The following ZNF292 variants were observed in gnomAD, a reference collection of about 807,000 sequenced individuals.
ZNF292 encodes the protein 16 zinc-finger domain protein.
A neutral mutation model predicts 217.9 loss-of-function variants in ZNF292; 26 were observed. The ratio of observed to expected loss-of-function variants is 0.12; its 90% CI spans 0.09 to 0.17. ZNF292 has a LOEUF of 0.17. Ranked by LOEUF, ZNF292 falls within the 10% of genes least tolerant of loss-of-function variation. ZNF292 has a pLI of 1.00. For synonymous variants in ZNF292, 1,257 were observed against 1,124.1 expected (o/e 1.12, Z -2.37); for missense variants, 2,904 against 3,175.2 (o/e 0.91, Z 2.05).
At chr6:87,168,472 C>T (rs190544008) in intron 1 of ZNF292, among the ~76,000 whole-genome samples, 89 of 152,152 alleles carry the variant, frequency 5.8e-4, no homozygotes, top group African/African-American at 2.0e-3. Context: ...TATATATTAG[C>T]TTCGTAATAG....
At chr6:87,239,308 G>GC (rs993613718) in intron 5 of ZNF292, among the ~76,000 whole-genome samples, 124 of 150,650 alleles carry the variant, frequency 8.2e-4, no homozygotes, top group Admixed American at 2.2e-3. Context: ...GGGCAGAGGC[G>GC]CCCCCCCACC....
chr6:87,155,651 G>A lies in ZNF292; in HGVS notation c.60G>A (p.Ala20=). 2 of 1,583,108 alleles carry A rather than the reference G, an allele frequency of 1.3e-6. No homozygotes were observed. The highest frequency in any genetic ancestry group is 2.7e-5 in the African/African-American group (2 of 74,554). The change falls in exon 1 of 8, where the codon GCG becomes GCA. Residue 20 remains alanine (A), a synonymous_variant. Transcript: ENST00000369577. ...RLSCGEGGCV[A]ELQRLGERLQ... ...GTTGCGGCGAAGGCGGCTGCGTCGC[G>A]GAGCTGCAGCGCCTGGGCGAGCGGC...
chr6:87,233,175 CAA>C, intron 4 of ZNF292, 148 bp from the exon 5 acceptor site: 1 of 605,016 alleles, frequency 1.7e-6, no homozygotes. Flanking sequence ...CTTATAAGGT[CAA>C]GTCTTTTGTG....
At chr6:87,196,523 T>A (rs1771957056) in intron 1 of ZNF292, among the ~76,000 whole-genome samples, 1 of 152,262 alleles carries the variant, frequency 6.6e-6, no homozygotes, top group Non-Finnish European at 1.5e-5. Context: ...CCAGTTGCTG[T>A]CAAATTTTGG....
At chr6:87,245,954 T>C (rs1242046978) in intron 7 of ZNF292, among the ~76,000 whole-genome samples, 4 of 152,228 alleles carry the variant, frequency 2.6e-5, no homozygotes, top group Non-Finnish European at 4.4e-5. Flanking sequence ...AAAAGTAGGC[T>C]GGGCGTGGTG....
At chr6:87,174,713 T>C (rs1393061777) in intron 1 of ZNF292, among the ~76,000 whole-genome samples, 4 of 152,204 alleles carry the variant, frequency 2.6e-5, no homozygotes, top group Non-Finnish European at 5.9e-5. Context: ...TCTTACGTAC[T>C]AAGGCCCATT....
At chr6:87,247,910 G>C (rs1774686488) in intron 7 of ZNF292, among the ~76,000 whole-genome samples, 1 of 152,170 alleles carries the variant, frequency 6.6e-6, no homozygotes, top group Non-Finnish European at 1.5e-5. Flanking sequence ...TTATCGAAAT[G>C]AAAATTTTAG....
chr6:87,258,936 A>G lies in ZNF292; in HGVS notation c.5307A>G (p.Gln1769=). The change falls in exon 8 of 8, where the codon CAA becomes CAG. Residue 1769 remains glutamine (Q), a synonymous_variant. Transcript: ENST00000369577. ...LEIIKTAMNS[Q]ILEVKSGSQG... is the part of the protein sequence containing the mutation. ...TTATTAAAACTGCTATGAATTCTCA[A>G]ATACTTGAGGTAAAAAGTGGATCTC... 18 of 1,611,836 alleles carry G rather than the reference A, an allele frequency of 1.1e-5. No homozygotes were observed. The highest frequency in any genetic ancestry group is 1.5e-5 in the Non-Finnish European group (18 of 1,178,796).
chr6:87,260,560 T>C lies in ZNF292; in HGVS notation c.6931T>C (p.Ser2311Pro), dbSNP rs1318456023. The C allele has an allele frequency of 1.2e-6, 2 of 1,612,008 alleles. No individual in the cohort carries two copies. Among genetic ancestry groups the C allele is most frequent in the Non-Finnish European group, 1.7e-6 (2 of 1,179,418 alleles). ...NMSSKANQEKSKSKHRGTKHS... is the reference protein window; with the variant it reads ...NMSSKANQEKPKSKHRGTKHS... ...GTCAAGCAAGGCAAACCAAGAAAAA[T>C]CAAAGTCTAAACATCGGGGGACCAA... Residue 2311 changes from serine (S) to proline (P), a missense_variant, in exon 8 of 8, where the codon TCA (serine) becomes CCA (proline). Ser to Pro is a moderately conservative substitution (Grantham distance 74, BLOSUM62 -1). This residue lies in a region of ZNF292 where 101 missense variants were observed against 89.5 expected (regional missense o/e 1.13). Coordinates refer to ENST00000369577, the MANE Select transcript of ZNF292 (RefSeq NM_015021.3).
rs1775233776 is a variant in ZNF292, at chr6:87,256,645, G to A, written c.3016G>A (p.Val1006Ile). ...TGCCCATGTTACTCAGAATTCTTTAGTAAATTCAGAAACTCTCAAAATAGG... is the reference window on the plus strand; with the variant it reads ...TGCCCATGTTACTCAGAATTCTTTAATAAATTCAGAAACTCTCAAAATAGG... ...NDAHVTQNSL[V>I]NSETLKIGDL... The change falls in exon 8 of 8, where the codon GTA becomes ATA. Residue 1006 changes from valine (V) to isoleucine (I), a missense_variant. By Grantham distance (29) the Val-to-Ile change is conservative (BLOSUM62 3). This residue lies in a region of ZNF292 where 687 missense variants were observed against 623.0 expected (regional missense o/e 1.10). Coordinates refer to ENST00000369577, the MANE Select transcript of ZNF292 (RefSeq NM_015021.3). 6.2e-7 allele frequency: 1 copy of A among 1,613,514 alleles called. No homozygotes were observed. Among genetic ancestry groups the A allele is most frequent in the Non-Finnish European group, 8.5e-7 (1 of 1,179,806 alleles).
In ZNF292 at chr6:87,257,758, T is replaced by A; in HGVS notation, c.4129T>A (p.Cys1377Ser). The A allele has an allele frequency of 6.2e-7, 1 of 1,613,788 alleles. No individual in the cohort carries two copies. The highest frequency in any genetic ancestry group is 8.5e-7 in the Non-Finnish European group (1 of 1,179,798). ...AATTATCAGAGATGGGAAATTTATC[T>A]GTAGCAGGTGTTACAGGGCTTTTAC... ...PAIIRDGKFI[C>S]SRCYRAFTNP... Residue 1377 changes from cysteine (C) to serine (S), a missense_variant, in exon 8 of 8, where the codon TGT becomes AGT. Cys to Ser is a moderately radical substitution (Grantham distance 112). Transcript: ENST00000369577.
chr6:87,201,963 T>A (rs1772110016), intron 1 of ZNF292, among the ~76,000 whole-genome samples: 1 of 152,238 alleles, frequency 6.6e-6, no homozygotes, highest in South Asian at 2.1e-4. Context: ...TCACACTGTC[T>A]TAATTTCTAT....
rs768519682 is a variant in ZNF292, at chr6:87,256,218, G to C, written c.2589G>C (p.Glu863Asp). 1.1e-5 allele frequency: 18 copies of C among 1,613,684 alleles called. No homozygotes were observed. The South Asian group carries it at 2.0e-4, about 18-fold the overall frequency. The change falls in exon 8 of 8, where the codon GAG (glutamate) becomes GAC (aspartate). Residue 863 changes from glutamate to aspartate, a missense_variant. Physicochemically the swap from Glu to Asp is conservative, Grantham distance 45 (BLOSUM62 2). This residue lies in a region of ZNF292 where 687 missense variants were observed against 623.0 expected (regional missense o/e 1.10). Transcript: ENST00000369577. Reference protein sequence around the residue: ...QPSEVNQNTAENIEKERSMLP... With the variant: ...QPSEVNQNTADNIEKERSMLP... ...CTGAAGTGAATCAGAACACAGCAGA[G>C]AATATTGAGAAAGAAAGATCTATGC...
At chr6:87,162,640 A>T (rs1011964676) in intron 1 of ZNF292, among the ~76,000 whole-genome samples, 3 of 152,228 alleles carry the variant, frequency 2.0e-5, no homozygotes, top group African/African-American at 7.2e-5. Context: ...GAGTATGCTT[A>T]TATCAATTTC....
chr6:87,197,924 G>C (rs1433484036), intron 1 of ZNF292, among the ~76,000 whole-genome samples: 1 of 151,958 alleles, frequency 6.6e-6, no homozygotes, highest in Non-Finnish European at 1.5e-5. Context: ...GAATATTTAT[G>C]TATCTTAAGA....
At chr6:87,171,721 A>T (rs935750739) in intron 1 of ZNF292, among the ~76,000 whole-genome samples, 1 of 152,190 alleles carries the variant, frequency 6.6e-6, no homozygotes, top group Non-Finnish European at 1.5e-5. Context: ...CTGATGGCAT[A>T]TGTCAGCTTG....
chr6:87,206,581 TC>T (rs1371283667), intron 1 of ZNF292, among the ~76,000 whole-genome samples: 1 of 152,178 alleles, frequency 6.6e-6, no homozygotes, highest in Non-Finnish European at 1.5e-5. Context: ...ATCATCACAC[TC>T]AGGAAATGTA....
intron 1 of ZNF292, among the ~76,000 whole-genome samples, chr6:87,183,655 CTT>C (rs1370296930): frequency 6.6e-6 from 1 of 152,202 alleles, no homozygotes; most frequent in Non-Finnish European, 1.5e-5. Flanking sequence ...ACATAAACCA[CTT>C]TACACCATAA....
chr6:87,185,994 T>G (rs1377911402), intron 1 of ZNF292, among the ~76,000 whole-genome samples: 1 of 152,158 alleles, frequency 6.6e-6, no homozygotes, highest in Non-Finnish European at 1.5e-5. Flanking sequence ...TATGAAAGTT[T>G]CATTACCTAG....
Sources: gnomAD v4.1 joint callset for allele counts (sites outside exome capture counted in the v4.1 genomes callset) on GRCh38, gnomAD v4.1.1 for gene constraint, gnomAD v4.1.1 regional missense constraint, MANE v1.5 for transcripts, NCBI Gene and HGNC (gene_info 2026-07-23, HGNC 2026-07-21) for gene names.